The following ADGRV1 variants were observed in gnomAD, a reference collection of about 807,000 sequenced individuals.
ADGRV1 encodes the protein adhesion G protein-coupled receptor V1, also known as G-protein coupled receptor 98.
A neutral mutation model predicts 596.2 loss-of-function variants in ADGRV1; 359 were observed. The ratio of observed to expected loss-of-function variants is 0.60; its 90% CI spans 0.55 to 0.66. The LOEUF is 0.66. Ranked by LOEUF, ADGRV1 falls within the 30% of genes least tolerant of loss-of-function variation. The pLI is 0.00. For synonymous variants in ADGRV1, 2,681 were observed against 2,679.2 expected (o/e 1.00, Z -0.02); for missense variants, 7,274 against 7,575.6 (o/e 0.96, Z 1.48).
chr5:90,757,529 A>G (rs2149986224), intron 57 of ADGRV1, among the ~76,000 whole-genome samples: 1 of 152,326 alleles, frequency 6.6e-6, no homozygotes, highest in South Asian at 2.1e-4. Flanking sequence ...TCTTAATGCC[A>G]GTAAATATAG....
At position 90,790,992 on chromosome 5, in the gene ADGRV1, TGAG is replaced by T; in HGVS notation, c.14165_14167del (p.Glu4722del). ...GCTTTGATGTTCATTTGCTACCAGATGAGGTACCTGAGATAGAGGAAGATTATG... is the reference window on the plus strand; with the variant it reads ...GCTTTGATGTTCATTTGCTACCAGATGTACCTGAGATAGAGGAAGATTATG... On this transcript the variant is annotated inframe_deletion, in exon 70 of 90. Transcript: ENST00000405460. 1 of 1,613,898 alleles carries T rather than the reference TGAG, an allele frequency of 6.2e-7. No homozygotes were observed. The highest frequency in any genetic ancestry group is 1.1e-5 in the South Asian group (1 of 91,074).
chr5:90,672,732 AC>A lies in ADGRV1; in HGVS notation c.4929+12del. 1 of 1,575,250 alleles carries A rather than the reference AC, an allele frequency of 6.3e-7. No homozygotes were observed. The highest frequency in any genetic ancestry group is 8.6e-7 in the Non-Finnish European group (1 of 1,158,846). The stretch of plus-strand genomic sequence containing the variant: ...TTGGCAGAGATCAGAGGTAAACCCT[AC>A]CTTTTTTGTTCCTTTGAAAGCCTCC... On this transcript the variant is annotated intron_variant, in intron 22 of 89. Transcript: ENST00000405460.
At chr5:90,619,810 T>C (rs1302950901) in intron 4 of ADGRV1, among the ~76,000 whole-genome samples, 2 of 148,294 alleles carry the variant, frequency 1.3e-5, no homozygotes, top group Non-Finnish European at 3.0e-5. Flanking sequence ...GTCCATGTGT[T>C]CTCATTGTTC....
chr5:90,941,962 T>C (rs1481975147), intron 83 of ADGRV1, among the ~76,000 whole-genome samples: 1 of 152,192 alleles, frequency 6.6e-6, no homozygotes, highest in East Asian at 1.9e-4. Flanking sequence ...TTGGAGCAAT[T>C]TGCAAGAAAA....
At position 90,685,943 on chromosome 5, in the gene ADGRV1, A is replaced by G. The variant is rs372730412; in HGVS notation, c.6438A>G (p.Ala2146=). Residue 2146 remains alanine (A), a synonymous_variant, in exon 29 of 90, where the codon GCA becomes GCG. Transcript: ENST00000405460. The stretch of plus-strand genomic sequence containing the variant: ...TCAATGTGACTAGAACAGGAGGAGC[A>G]TTTGCAGATGTCTCTGTGAAGTTTA... ...PIINVTRTGG[A]FADVSVKFKA... is the part of the protein sequence containing the mutation. 23 of 1,606,942 alleles carry G rather than the reference A, an allele frequency of 1.4e-5. No homozygotes were observed. The highest frequency in any genetic ancestry group is 7.8e-5 in the South Asian group (7 of 89,904).
chr5:90,628,904 C>A, intron 8 of ADGRV1, 72 bp downstream of exon 8: 2 of 1,375,130 alleles, frequency 1.5e-6, no homozygotes, highest in Non-Finnish European at 2.0e-6. Context: ...TTTGGTCATA[C>A]ACATCAACTT....
At chr5:90,750,301 CAG>C (rs1175112631) in intron 52 of ADGRV1, among the ~76,000 whole-genome samples, 1 of 152,100 alleles carries the variant, frequency 6.6e-6, no homozygotes, top group African/African-American at 2.4e-5. Flanking sequence ...AATATAGAAA[CAG>C]AAACATAAAA....
intron 85 of ADGRV1, among the ~76,000 whole-genome samples, chr5:91,015,912 G>C (rs972849498): frequency 5.9e-5 from 9 of 151,870 alleles, no homozygotes; most frequent in Non-Finnish European, 1.0e-4. Context: ...TGTCATTGTG[G>C]TGTTAGCTGG....
chr5:90,781,403 T>C, intron 64 of ADGRV1, 27 bp from the exon 65 acceptor site: 1 of 1,532,722 alleles, frequency 6.5e-7, no homozygotes, highest in Non-Finnish European at 8.9e-7. Context: ...GTATTTTATT[T>C]TATTTTGATT....
intron 34 of ADGRV1, among the ~76,000 whole-genome samples, chr5:90,698,471 G>A (rs764143713): frequency 3.3e-5 from 5 of 152,140 alleles, no homozygotes; most frequent in Non-Finnish European, 5.9e-5. Context: ...GCTATATAGG[G>A]CACCTAGTGA....
At chr5:91,108,520 T>A (rs1009814121) in intron 87 of ADGRV1, among the ~76,000 whole-genome samples, 15 of 152,176 alleles carry the variant, frequency 9.9e-5, no homozygotes, top group African/African-American at 3.6e-4. Flanking sequence ...TTAAGTTTTT[T>A]AAAAAATATT....
At chr5:91,151,920 A>G (rs1796095665) in intron 88 of ADGRV1, among the ~76,000 whole-genome samples, 1 of 152,266 alleles carries the variant, frequency 6.6e-6, no homozygotes. Flanking sequence ...GTTCATTTCT[A>G]AAGTTCTCAG....
intron 79 of ADGRV1, among the ~76,000 whole-genome samples, chr5:90,852,402 G>A (rs555173382): frequency 2.6e-4 from 39 of 152,210 alleles, no homozygotes; most frequent in Admixed American, 6.5e-4. Context: ...AACATTTAAT[G>A]CATAAATCTT....
intron 6 of ADGRV1, chr5:90,626,464 T>C (rs180833275): frequency 6.6e-6 from 1 of 152,348 alleles, no homozygotes; most frequent in Admixed American, 6.5e-5. Context: ...GCTTTTTATA[T>C]TGCTGCTGAT....
At position 90,805,286 on chromosome 5, in the gene ADGRV1, C is replaced by T. The variant is rs773099015; in HGVS notation, c.14664C>T (p.Val4888=). 59 of 1,607,690 alleles carry T rather than the reference C, an allele frequency of 3.7e-5. No individual in the cohort carries two copies. The highest frequency in any genetic ancestry group is 2.5e-4 in the African/African-American group (19 of 74,832). ...PVSEKAANSQ[V]GFESTAFQLM... The stretch of plus-strand genomic sequence containing the variant: ...CTCTAAGCATGATTTTCCCTCAGGT[C>T]GGATTTGAATCCACTGCTTTTCAAC... Residue 4888 remains valine (V), a splice_region_variant and synonymous_variant, in exon 72 of 90, where the codon GTC becomes GTT. Coordinates refer to ENST00000405460, the MANE Select transcript of ADGRV1 (RefSeq NM_032119.4).
At chr5:90,795,808 A>G (rs1760639884) in intron 70 of ADGRV1, among the ~76,000 whole-genome samples, 1 of 152,230 alleles carries the variant, frequency 6.6e-6, no homozygotes, top group South Asian at 2.1e-4. Flanking sequence ...AAGAACAGGC[A>G]GCAATCTTTG....
At chr5:90,720,856 T>C in intron 44 of ADGRV1, 79 bp from the exon 45 acceptor site, 2 of 1,199,776 alleles carry the variant, frequency 1.7e-6, no homozygotes, top group African/African-American at 1.5e-5. Flanking sequence ...ATTAAGTATA[T>C]GCTAGCAATA....
intron 86 of ADGRV1, among the ~76,000 whole-genome samples, chr5:91,087,634 A>C (rs1029635264): frequency 1.3e-5 from 2 of 152,184 alleles, no homozygotes; most frequent in African/African-American, 2.4e-5. Flanking sequence ...ATTTTATCTA[A>C]TACATTTTGA....
intron 83 of ADGRV1, among the ~76,000 whole-genome samples, chr5:90,927,931 C>T (rs1432110602): frequency 6.6e-6 from 1 of 152,100 alleles, no homozygotes; most frequent in East Asian, 1.9e-4. Flanking sequence ...GTTGAAAATT[C>T]TTTTCTTTAA....
Sources: allele counts gnomAD v4.1 joint callset (sites outside exome capture counted in the v4.1 genomes callset), GRCh38; gene constraint gnomAD v4.1.1; transcripts MANE v1.5; gene names NCBI Gene and HGNC (gene_info 2026-07-23, HGNC 2026-07-21).